The following KIAA1958 variants were observed in gnomAD, a reference collection of about 807,000 sequenced individuals.
KIAA1958 encodes KIAA1958.
Under a neutral mutation model 47.2 loss-of-function variants are expected in KIAA1958, and 14 were observed. The observed-to-expected ratio is 0.30, with a 90% CI of 0.20 to 0.46. The LOEUF is 0.46. Among genes scored for constraint, KIAA1958 ranks in the 20% least tolerant of loss-of-function variants. The pLI is 1.00. For missense variants in KIAA1958, 803 were observed against 909.2 expected (o/e 0.88, Z 1.50); for synonymous variants, 354 against 353.3 (o/e 1.00, Z -0.02).
intron 1 of KIAA1958, among the ~76,000 whole-genome samples, chr9:112,536,399 A>G (rs1834855393): frequency 6.6e-6 from 1 of 152,188 alleles, no homozygotes; most frequent in South Asian, 2.1e-4. Context: ...AAAAGACAAG[A>G]TATCAAATAT....
chr9:112,607,794 G>T (rs1462371933), intron 2 of KIAA1958, among the ~76,000 whole-genome samples: 1 of 145,578 alleles, frequency 6.9e-6, no homozygotes, highest in Admixed American at 6.9e-5. Context: ...GACCTGTAAA[G>T]GTGGAAGATA....
intron 1 of KIAA1958, among the ~76,000 whole-genome samples, chr9:112,490,990 C>CA (rs1461248377): frequency 6.6e-6 from 1 of 152,156 alleles, no homozygotes; most frequent in Non-Finnish European, 1.5e-5. Flanking sequence ...TTTTTAGAGA[C>CA]ACAGTCGCAC....
intron 1 of KIAA1958, among the ~76,000 whole-genome samples, chr9:112,505,934 C>T (rs1261489194): frequency 6.6e-6 from 1 of 152,190 alleles, no homozygotes. Context: ...AAACAGAGAA[C>T]GATGCGTATG....
chr9:112,535,602 G>A lies in KIAA1958; in HGVS notation c.-24-38455G>A, dbSNP rs539465198. Among the ~76,000 whole-genome samples, 5 of 152,230 alleles carry A rather than the reference G, an allele frequency of 3.3e-5. No individual in the cohort carries two copies. The South Asian group carries it at 1.0e-3, about 32-fold the overall frequency. On this transcript the variant is annotated intron_variant, in intron 1 of 3. Transcript: ENST00000337530. Reference sequence around the variant, plus strand: ...ATTTCCTTTGGATATATGCCCAGAAGTAGAATTGCTGGATCATATGGGAGT... The same window carrying A: ...ATTTCCTTTGGATATATGCCCAGAAATAGAATTGCTGGATCATATGGGAGT...
intron 1 of KIAA1958, among the ~76,000 whole-genome samples, chr9:112,536,050 C>T (rs62568562): frequency 0.11 from 16,797 of 152,178 alleles, 1,378 homozygotes; most frequent in East Asian, 0.2. Context: ...CTCATCTCCG[C>T]TCTGTTAATT....
intron 2 of KIAA1958, among the ~76,000 whole-genome samples, chr9:112,631,544 A>G (rs1309746347): frequency 6.6e-6 from 1 of 151,336 alleles, no homozygotes; most frequent in Non-Finnish European, 1.5e-5. Flanking sequence ...GAAAAAAAAA[A>G]AAAAAAAAAA....
intron 3 of KIAA1958, among the ~76,000 whole-genome samples, chr9:112,648,961 T>C (rs1837017920): frequency 6.6e-6 from 1 of 152,240 alleles, no homozygotes; most frequent in East Asian, 1.9e-4. Context: ...ACAGTTATTG[T>C]AACTATATTT....
At chr9:112,575,313 G>T in intron 2 of KIAA1958, 62 bp downstream of exon 2, 1 of 1,183,732 alleles carries the variant, frequency 8.4e-7, no homozygotes, top group Non-Finnish European at 1.2e-6. Context: ...TGCGCCGTCA[G>T]CACTTCTAAA....
chr9:112,586,802 A>G (rs1354842316), intron 2 of KIAA1958, among the ~76,000 whole-genome samples: 1 of 152,234 alleles, frequency 6.6e-6, no homozygotes, highest in African/African-American at 2.4e-5. Flanking sequence ...AGAACTGAAG[A>G]GGTGTTGACC....
At chr9:112,620,216 A>G (rs1836479146) in intron 2 of KIAA1958, among the ~76,000 whole-genome samples, 1 of 152,198 alleles carries the variant, frequency 6.6e-6, no homozygotes, top group Admixed American at 6.5e-5. Context: ...AATAAAATAA[A>G]TTTAGACTTT....
At chr9:112,528,453 A>G (rs1457234467) in intron 1 of KIAA1958, among the ~76,000 whole-genome samples, 1 of 152,162 alleles carries the variant, frequency 6.6e-6, no homozygotes, top group African/African-American at 2.4e-5. Flanking sequence ...ACCATTTTGT[A>G]TCATTGTCAT....
intron 1 of KIAA1958, among the ~76,000 whole-genome samples, chr9:112,505,967 T>C (rs1300853668): frequency 6.6e-6 from 1 of 152,212 alleles, no homozygotes; most frequent in Non-Finnish European, 1.5e-5. Context: ...TTGAAATGTG[T>C]CACCAAATTC....
chr9:112,655,611 A>G (rs1837137665), intron 3 of KIAA1958, among the ~76,000 whole-genome samples: 1 of 152,262 alleles, frequency 6.6e-6, no homozygotes, highest in South Asian at 2.1e-4. Context: ...ACTTTCTTCC[A>G]GAGCTAGCAG....
At chr9:112,560,135 G>A (rs1184074528) in intron 1 of KIAA1958, among the ~76,000 whole-genome samples, 1 of 151,076 alleles carries the variant, frequency 6.6e-6, no homozygotes, top group African/African-American at 2.4e-5. Context: ...TAGGCCTCAA[G>A]CAATCCTTCT....
At chr9:112,606,663 C>G (rs914066365) in intron 2 of KIAA1958, among the ~76,000 whole-genome samples, 1 of 152,106 alleles carries the variant, frequency 6.6e-6, no homozygotes, top group African/African-American at 2.4e-5. Context: ...ATTTAGAGTT[C>G]AAGTTATATT....
chr9:112,588,137 C>T (rs1835861099), intron 2 of KIAA1958, among the ~76,000 whole-genome samples: 1 of 152,176 alleles, frequency 6.6e-6, no homozygotes, highest in Admixed American at 6.5e-5. Flanking sequence ...ACAAGTTTGT[C>T]AATATTTTTA....
chr9:112,669,334 C>T lies in KIAA1958; in HGVS notation c.*9265C>T, dbSNP rs942768907. ...TGGTTGTTGTTGTTGTTTGGGTTCA[C>T]TTATGTATATGCAGCTTGACTGTTC... On this transcript the variant is annotated 3_prime_UTR_variant, in exon 4 of 4. Coordinates refer to ENST00000337530, the MANE Select transcript of KIAA1958 (RefSeq NM_133465.4). 1 of 152,174 alleles carries T rather than the reference C, an allele frequency of 6.6e-6. No homozygotes were observed. Among genetic ancestry groups the T allele is most frequent in the Non-Finnish European group, 1.5e-5 (1 of 68,024 alleles). 9.4% of individuals were successfully genotyped at this position (152,174 alleles called of 1,614,324 possible).
intron 2 of KIAA1958, among the ~76,000 whole-genome samples, chr9:112,602,458 G>A (rs1836151013): frequency 6.6e-6 from 1 of 152,154 alleles, no homozygotes; most frequent in South Asian, 2.1e-4. Flanking sequence ...TGCATCTATG[G>A]AAGAAGTTAG....
At chr9:112,558,180 G>A (rs936814186) in intron 1 of KIAA1958, among the ~76,000 whole-genome samples, 6 of 151,838 alleles carry the variant, frequency 4.0e-5, no homozygotes, top group Non-Finnish European at 7.4e-5. Context: ...AACCGAGATC[G>A]CGCCACTGCA....
Sources: allele counts gnomAD v4.1 joint callset (sites outside exome capture counted in the v4.1 genomes callset), GRCh38; gene constraint gnomAD v4.1.1; transcripts MANE v1.5; gene names NCBI Gene and HGNC (gene_info 2026-07-23, HGNC 2026-07-21).